Variants in PTBP2 observed in about 807,000 individuals in gnomAD.
The protein encoded by PTBP2 is polypyrimidine tract-binding protein 2.
PTBP2 carries 13 observed loss-of-function variants against 61.4 expected under a neutral mutation model. The observed-to-expected ratio is 0.21, with a 90% CI of 0.14 to 0.34. PTBP2 has a LOEUF of 0.34. Among genes scored for constraint, PTBP2 ranks in the 10% least tolerant of loss-of-function variants. The pLI is 1.00. For synonymous variants in PTBP2, 215 were observed against 218.5 expected, an observed-to-expected ratio of 0.98 and a Z score of 0.14; for missense variants, 405 against 642.6, an observed-to-expected ratio of 0.63 and a Z score of 4.00.
rs187406041 is a variant in PTBP2 at position 96,809,673 on chromosome 1, G to A, written c.1171+2715G>A. On this transcript the variant is annotated intron_variant, in intron 11 of 13. Coordinates refer to ENST00000674951, the MANE Select transcript of PTBP2 (RefSeq NM_021190.4). ...GACTAAAAGCATGCACCACCTGCCC[G>A]GCTAATTTATTATTATTATTATTTT... Among the ~76,000 whole-genome samples the A allele has an allele frequency of 1.9e-3, 291 of 152,000 alleles. 1 individual carries two copies. Among genetic ancestry groups the A allele is most frequent in the African/African-American group, 6.2e-3 (258 of 41,446 alleles).
rs531813270 is a variant in PTBP2 at position 96,757,313 on chromosome 1, A to G, written c.115+5813A>G. 2.7e-5 allele frequency among the ~76,000 whole-genome samples: 4 copies of G among 150,276 alleles called. No individual in the cohort carries two copies. The South Asian group carries it at 8.3e-4, about 31-fold the overall frequency. On this transcript the variant is annotated intron_variant, in intron 3 of 13. Coordinates refer to ENST00000674951, the MANE Select transcript of PTBP2 (RefSeq NM_021190.4). ...TAAGCACAAGAAAGTTGATATGATT[A>G]TATTACTAGACAGAAAAATTTAAGA...
intron 2 of PTBP2, among the ~76,000 whole-genome samples, chr1:96,740,817 TATATG>T (rs1652904271): frequency 6.6e-6 from 1 of 151,976 alleles, no homozygotes; most frequent in African/African-American, 2.4e-5. Context: ...TGCCATATAG[TATATG>T]ATATATGAAT....
intron 11 of PTBP2, among the ~76,000 whole-genome samples, chr1:96,807,319 G>T (rs1661591207): frequency 6.6e-6 from 1 of 152,136 alleles, no homozygotes; most frequent in African/African-American, 2.4e-5. Context: ...CCTTCTTAAT[G>T]CCATGTTATT....
rs1371446957 is a variant in PTBP2, at chr1:96,777,940, A to G, written c.702A>G (p.Ala234=). The change falls in exon 7 of 14, where the codon GCA becomes GCG. Residue 234 remains alanine, a synonymous_variant. Coordinates refer to ENST00000674951, the MANE Select transcript of PTBP2 (RefSeq NM_021190.4). Reference sequence around the variant, plus strand: ...GTGATCCAGTAAATGCTCAACAAGCAAAACTAGTAAGTCTTTCTTTTGAGA... The same window carrying G: ...GTGATCCAGTAAATGCTCAACAAGCGAAACTAGTAAGTCTTTCTTTTGAGA... The part of the protein sequence containing the change: ...QYGDPVNAQQ[A]KLALDGQNIY... 4 of 1,533,292 alleles carry G rather than the reference A, an allele frequency of 2.6e-6. No homozygotes were observed. The highest frequency in any genetic ancestry group is 2.3e-5 in the East Asian group (1 of 43,860). 95.0% of individuals were successfully genotyped at this position (1,533,292 alleles called of 1,614,324 possible).
At chr1:96,782,570 T>G (rs1320476831) in intron 7 of PTBP2, among the ~76,000 whole-genome samples, 1 of 151,904 alleles carries the variant, frequency 6.6e-6, no homozygotes, top group Non-Finnish European at 1.5e-5. Flanking sequence ...TCTACCAGGG[T>G]GGGGTTATTT....
intron 2 of PTBP2, among the ~76,000 whole-genome samples, chr1:96,728,423 G>A (rs905766529): frequency 6.6e-5 from 10 of 152,208 alleles, no homozygotes; most frequent in African/African-American, 2.2e-4. Flanking sequence ...AGTGTTTACA[G>A]CATCATTTGT....
chr1:96,734,312 T>A (rs772618541), intron 2 of PTBP2, among the ~76,000 whole-genome samples: 1 of 152,202 alleles, frequency 6.6e-6, no homozygotes, highest in Non-Finnish European at 1.5e-5. Flanking sequence ...GGCTTCAGTG[T>A]ATATCTTTAA....
intron 2 of PTBP2, among the ~76,000 whole-genome samples, chr1:96,746,405 A>G (rs569905337): frequency 1.3e-5 from 2 of 152,210 alleles, no homozygotes; most frequent in East Asian, 3.9e-4. Context: ...TCTTACCCTG[A>G]TTATTAATGA....
intron 11 of PTBP2, among the ~76,000 whole-genome samples, chr1:96,810,784 A>T (rs1293982250): frequency 5.3e-5 from 8 of 152,236 alleles, no homozygotes; most frequent in Non-Finnish European, 1.2e-4. Context: ...GTTCACTTAA[A>T]ATAGTTATAG....
rs747217015 is a variant in PTBP2, at chr1:96,785,142, C to T, written c.792C>T (p.Tyr264=). ...AACTTGTGAATTTGAATGTAAAATA[C>T]AACAATGATAAAAGTAGGGATTATA... The part of the protein sequence containing the change: ...FSKLVNLNVK[Y]NNDKSRDYTR... The change falls in exon 8 of 14, where the codon TAC becomes TAT. Residue 264 remains tyrosine, a synonymous_variant. Transcript: ENST00000674951. The T allele has an allele frequency of 4.3e-6, 7 of 1,609,206 alleles. No homozygotes were observed. In the South Asian group the frequency reaches 6.6e-5, roughly 15 times the overall value.
At chr1:96,780,900 A>T (rs1198919109) in intron 7 of PTBP2, among the ~76,000 whole-genome samples, 1 of 152,026 alleles carries the variant, frequency 6.6e-6, no homozygotes, top group Admixed American at 6.6e-5. Context: ...GCCAGTAAAC[A>T]TGGTATTTTT....
Position 96,813,607 on chromosome 1 carries a change from C to A in PTBP2, c.*202C>A. 1 of 358,930 alleles carries A rather than the reference C, an allele frequency of 2.8e-6. No homozygotes were observed. 22.2% of individuals were successfully genotyped at this position (358,930 alleles called of 1,614,324 possible). On this transcript the variant is annotated 3_prime_UTR_variant, in exon 14 of 14. Transcript: ENST00000674951. ...GGCAGAGTTGTTAACTGCTATATTT[C>A]ATCTGTTCTATAGGGAAGCCATTTT... is the stretch of plus-strand genomic sequence containing the variant.
chr1:96,791,826 C>CT (rs1163642886), intron 8 of PTBP2, among the ~76,000 whole-genome samples: 3,109 of 66,030 alleles, frequency 0.047, 246 homozygotes, highest in African/African-American at 0.16. Context: ...TGGAGTTGTG[C>CT]TTTTTTTTTT....
intron 8 of PTBP2, among the ~76,000 whole-genome samples, chr1:96,804,437 T>TTTTTTTTTTTTTTTTTTTTTTTTG (rs1553187763): frequency 6.6e-6 from 1 of 152,194 alleles, no homozygotes; most frequent in Non-Finnish European, 1.5e-5. Context: ...GATACTTTTT[T>TTTTTTTTTTTTTTTTTTTTTTTTG]ACATTTGGCC....
At chr1:96,817,111 C>T (rs1328471446), downstream of PTBP2, 1 of 152,074 alleles carries the variant, frequency 6.6e-6, no homozygotes, top group Non-Finnish European at 1.5e-5. Flanking sequence ...ATAAAATGCA[C>T]ATATTTAATT....
chr1:96,790,189 C>T (rs1362367229), intron 8 of PTBP2, among the ~76,000 whole-genome samples: 1 of 151,784 alleles, frequency 6.6e-6, no homozygotes, highest in Admixed American at 6.6e-5. Context: ...TTTAGAGTGT[C>T]ATGTTAACTT....
intron 3 of PTBP2, among the ~76,000 whole-genome samples, chr1:96,765,479 G>A (rs1656576707): frequency 6.6e-6 from 1 of 152,200 alleles, no homozygotes; most frequent in Admixed American, 6.5e-5. Context: ...GGGAGGCTGA[G>A]GCAGGTGGAT....
Position 96,804,869 on chromosome 1 carries a change from G to T in PTBP2, c.974G>T (p.Gly325Val). Residue 325 changes from glycine to valine, a missense_variant, in exon 9 of 14, where the codon GGC becomes GTC. Gly to Val is a moderately radical substitution (Grantham distance 109). This residue lies in a region of PTBP2 where 342 missense variants were observed against 491.2 expected (regional missense o/e 0.70). Coordinates refer to ENST00000674951, the MANE Select transcript of PTBP2 (RefSeq NM_021190.4). ...AAAAAAAAAA[G>V]RVGMPGVSAG... ...GCAGCAGCTGCTGCAGCTGCTGCTG[G>T]CCGAGTGGGTATGCCTGGAGTCTCA... 1.2e-6 allele frequency: 2 copies of T among 1,612,114 alleles called. No individual in the cohort carries two copies. Among genetic ancestry groups the T allele is most frequent in the Non-Finnish European group, 1.7e-6 (2 of 1,178,876 alleles).
intron 2 of PTBP2, among the ~76,000 whole-genome samples, chr1:96,728,379 G>A (rs887300599): frequency 6.6e-5 from 10 of 152,124 alleles, no homozygotes; most frequent in Non-Finnish European, 1.2e-4. Flanking sequence ...ACAAAGTGTG[G>A]GTCAGAAGTA....
Sources: allele counts gnomAD v4.1 joint callset (sites outside exome capture counted in the v4.1 genomes callset), GRCh38; gene constraint gnomAD v4.1.1; regional missense constraint gnomAD v4.1.1; transcripts MANE v1.5; gene names NCBI Gene and HGNC (gene_info 2026-07-23, HGNC 2026-07-21).